ELMO1: variants seen among roughly 807,000 people sequenced by gnomAD.
ELMO1 encodes engulfment and cell motility 1.
A neutral mutation model predicts 98.9 loss-of-function variants in ELMO1; 26 were observed. The observed-to-expected ratio is 0.26, with a 90% CI of 0.19 to 0.36. The LOEUF (loss-of-function observed/expected upper bound fraction) is 0.36, where lower values mean the gene tolerates loss of function less well. Among genes scored for constraint, ELMO1 ranks in the 10% least tolerant of loss-of-function variants. The pLI is 1.00. For synonymous variants in ELMO1, 346 were observed against 346.0 expected, an observed-to-expected ratio of 1.00 and a Z score of 0.00; for missense variants, 627 against 935.2, an observed-to-expected ratio of 0.67 and a Z score of 4.30.
chr7:37,055,288 G>C (rs1000021569), intron 15 of ELMO1, among the ~76,000 whole-genome samples: 3 of 152,184 alleles, frequency 2.0e-5, no homozygotes, highest in Non-Finnish European at 2.9e-5. Flanking sequence ...TTAAAGATTT[G>C]GGTGAATGCC....
chr7:36,991,951 C>T (rs1310697403), intron 16 of ELMO1, among the ~76,000 whole-genome samples: 1 of 152,156 alleles, frequency 6.6e-6, no homozygotes, highest in Non-Finnish European at 1.5e-5. Context: ...CTGTGGAGCA[C>T]CCTGAGCAGC....
intron 16 of ELMO1, among the ~76,000 whole-genome samples, chr7:36,926,071 C>T (rs1785544992): frequency 6.6e-6 from 1 of 152,174 alleles, no homozygotes; most frequent in Non-Finnish European, 1.5e-5. Flanking sequence ...ATCCCCAGAA[C>T]CCAGCTTGGC....
chr7:37,256,113 T>G (rs1290703008), intron 6 of ELMO1, among the ~76,000 whole-genome samples: 1 of 152,172 alleles, frequency 6.6e-6, no homozygotes, highest in Non-Finnish European at 1.5e-5. Context: ...ATCCCTAAAC[T>G]TTTTCAACTT....
chr7:37,144,822 C>G (rs1787879592), intron 13 of ELMO1, among the ~76,000 whole-genome samples: 2 of 152,150 alleles, frequency 1.3e-5, no homozygotes, highest in East Asian at 3.8e-4. Flanking sequence ...GTCTGAGTAT[C>G]TAGTTCCTGG....
intron 15 of ELMO1, among the ~76,000 whole-genome samples, chr7:37,028,867 T>A (rs1794727584): frequency 1.3e-5 from 2 of 152,166 alleles, no homozygotes; most frequent in African/African-American, 4.8e-5. Flanking sequence ...CCTGAAAGAT[T>A]AAGAAAATCA....
At chr7:36,907,472 A>G (rs189184263) in intron 16 of ELMO1, among the ~76,000 whole-genome samples, 1 of 152,324 alleles carries the variant, frequency 6.6e-6, no homozygotes, top group Non-Finnish European at 1.5e-5. Context: ...CAAAACTCAG[A>G]CAATTAAAAC....
chr7:36,855,166 C>A lies in ELMO1; in HGVS notation c.*385G>T. 3.7e-6 allele frequency: 1 copy of A among 267,702 alleles called. No individual in the cohort carries two copies. The allele number at this position is 267,702 out of a possible 1,614,324, so 16.6% of individuals were successfully genotyped here. On this transcript the variant is annotated 3_prime_UTR_variant, in exon 22 of 22. Coordinates refer to ENST00000310758, the MANE Select transcript of ELMO1 (RefSeq NM_014800.11). The surrounding 1 kb of genome is among the most constrained non-coding windows in gnomAD (Gnocchi z 4.2). ...CCAGACAGGGGCCTTGGGGCACTGCCCTTGGTCTGGTGGGCAAGTTTTTGG... is the reference window on the plus strand; with the variant it reads ...CCAGACAGGGGCCTTGGGGCACTGCACTTGGTCTGGTGGGCAAGTTTTTGG...
chr7:36,979,877 C>G (rs7810138), intron 16 of ELMO1, among the ~76,000 whole-genome samples: 36,538 of 152,096 alleles, frequency 0.24, 5,550 homozygotes, highest in African/African-American at 0.42. Flanking sequence ...TCCATTAGCT[C>G]ATGGGTGTTT....
chr7:37,088,555 CATGACTGATG>C (rs1365254978), intron 15 of ELMO1, among the ~76,000 whole-genome samples: 8 of 152,206 alleles, frequency 5.3e-5, no homozygotes, highest in Admixed American at 4.6e-4. Flanking sequence ...TGATGACGAT[CATGACTGATG>C]ATGACTGATG....
intron 1 of ELMO1, among the ~76,000 whole-genome samples, chr7:37,348,967 C>A (rs1047765982): frequency 5.3e-5 from 8 of 152,168 alleles, no homozygotes; most frequent in African/African-American, 1.9e-4. Context: ...GCACAGTAAA[C>A]CCTACTGAGA....
intron 1 of ELMO1, among the ~76,000 whole-genome samples, chr7:37,367,468 T>C (rs1801949454): frequency 6.6e-6 from 1 of 152,098 alleles, no homozygotes; most frequent in African/African-American, 2.4e-5. Context: ...AGTGAATAAG[T>C]GAATGAAGGA....
intron 15 of ELMO1, among the ~76,000 whole-genome samples, chr7:37,086,496 A>G (rs1259511502): frequency 6.6e-6 from 1 of 151,940 alleles, no homozygotes; most frequent in East Asian, 1.9e-4. Context: ...TAATCCCAGC[A>G]CTTTGGGAGG....
intron 1 of ELMO1, among the ~76,000 whole-genome samples, chr7:37,372,894 T>G (rs1297372525): frequency 6.6e-6 from 1 of 152,218 alleles, no homozygotes; most frequent in South Asian, 2.1e-4. Context: ...ACAATTATCA[T>G]GAGATAACAT....
At chr7:36,863,992 T>A (rs903685125) in intron 20 of ELMO1, among the ~76,000 whole-genome samples, 1 of 152,190 alleles carries the variant, frequency 6.6e-6, no homozygotes, top group East Asian at 1.9e-4. Flanking sequence ...GGGAGTGAGC[T>A]TTGCTTCTGA....
At chr7:37,162,807 G>A (rs1789319555) in intron 13 of ELMO1, among the ~76,000 whole-genome samples, 1 of 152,142 alleles carries the variant, frequency 6.6e-6, no homozygotes, top group African/African-American at 2.4e-5. Context: ...ATGCAAAGCT[G>A]GTTAATGTCC....
chr7:37,098,510 G>A (rs190236697), intron 14 of ELMO1, among the ~76,000 whole-genome samples: 18 of 152,338 alleles, frequency 1.2e-4, no homozygotes, highest in African/African-American at 3.8e-4. Flanking sequence ...GAAAGACCTT[G>A]CTATGTCAAG....
At chr7:37,283,878 T>C (rs1797263139) in intron 4 of ELMO1, among the ~76,000 whole-genome samples, 1 of 152,198 alleles carries the variant, frequency 6.6e-6, no homozygotes, top group Admixed American at 6.5e-5. Flanking sequence ...CATGCCCTCT[T>C]TGAAGAACCC....
At chr7:37,242,770 C>A (rs536094990) in intron 7 of ELMO1, among the ~76,000 whole-genome samples, 6 of 152,188 alleles carry the variant, frequency 3.9e-5, no homozygotes, top group Non-Finnish European at 8.8e-5. Context: ...CTGAGCTTCT[C>A]GTCTTTCATA....
At chr7:37,418,626 C>CA (rs1804335448) in intron 1 of ELMO1, among the ~76,000 whole-genome samples, 1 of 152,182 alleles carries the variant, frequency 6.6e-6, no homozygotes, top group African/African-American at 2.4e-5. Flanking sequence ...TGGTGAATAG[C>CA]AACACCATGG....
Sources: allele counts gnomAD v4.1 joint callset (sites outside exome capture counted in the v4.1 genomes callset), GRCh38; gene constraint gnomAD v4.1.1; non-coding constraint Gnocchi (gnomAD v3.1); transcripts MANE v1.5; gene names NCBI Gene and HGNC (gene_info 2026-07-23, HGNC 2026-07-21).